Variants in PDE4B observed in about 807,000 individuals in gnomAD.
The protein encoded by PDE4B is phosphodiesterase 4B.
In PDE4B, 20 loss-of-function variants were observed where a neutral mutation model predicts 82.2. The observed-to-expected ratio is 0.24, with a 90% CI of 0.17 to 0.35. The LOEUF is 0.35. Ranked by LOEUF, PDE4B falls within the 10% of genes least tolerant of loss-of-function variation. The pLI, the probability that PDE4B is intolerant of heterozygous loss-of-function variation, is 1.00. For synonymous variants in PDE4B, 320 were observed against 318.9 expected (o/e 1.00, Z -0.04); for missense variants, 655 against 907.2 (o/e 0.72, Z 3.57).
intron 3 of PDE4B, among the ~76,000 whole-genome samples, chr1:66,122,998 G>T (rs1645744782): frequency 6.6e-6 from 1 of 151,984 alleles, no homozygotes; most frequent in Non-Finnish European, 1.5e-5. Flanking sequence ...GAGCCACCAT[G>T]CCTGGCCAGG....
At chr1:65,893,786 T>C (rs1646878786) in intron 1 of PDE4B, among the ~76,000 whole-genome samples, 1 of 152,064 alleles carries the variant, frequency 6.6e-6, no homozygotes, top group Admixed American at 6.6e-5. Flanking sequence ...GTGGTATATA[T>C]ATGTATACCA....
At chr1:66,074,804 T>C (rs1251413513) in intron 3 of PDE4B, among the ~76,000 whole-genome samples, 2 of 152,176 alleles carry the variant, frequency 1.3e-5, no homozygotes, top group African/African-American at 4.8e-5. Flanking sequence ...GTGTAGTATA[T>C]GTCAGTACTT....
Position 66,040,127 on chromosome 1 carries a change from A to T in PDE4B, c.281+121292A>T, listed in dbSNP as rs1654288026. Among the ~76,000 whole-genome samples, 5 of 151,994 alleles carry T rather than the reference A, an allele frequency of 3.3e-5. No homozygotes were observed. In the South Asian group the frequency reaches 1.0e-3, roughly 31 times the overall value. ...CTGAACACTGGTTACTCAGGATTCTATGTTTATCTTTTAACTTTTTCAATG... is the reference window on the plus strand; with the variant it reads ...CTGAACACTGGTTACTCAGGATTCTTTGTTTATCTTTTAACTTTTTCAATG... On this transcript the variant is annotated intron_variant, in intron 3 of 16. Transcript: ENST00000341517.
chr1:66,228,420 C>G (rs575910270), intron 3 of PDE4B, among the ~76,000 whole-genome samples: 8 of 152,156 alleles, frequency 5.3e-5, no homozygotes, highest in Non-Finnish European at 1.2e-4. Flanking sequence ...GTCAGGAGAT[C>G]AAGACCATCC....
At chr1:66,118,389 C>A (rs1429272169) in intron 3 of PDE4B, among the ~76,000 whole-genome samples, 1 of 152,056 alleles carries the variant, frequency 6.6e-6, no homozygotes, top group Non-Finnish European at 1.5e-5. Context: ...TACTATGCAG[C>A]CATAAAAAAG....
At chr1:65,838,493 A>G (rs975277386) in intron 1 of PDE4B, among the ~76,000 whole-genome samples, 22 of 148,290 alleles carry the variant, frequency 1.5e-4, no homozygotes, top group Admixed American at 4.8e-4. Context: ...ACGTATATGT[A>G]TATATATACG....
intron 3 of PDE4B, among the ~76,000 whole-genome samples, chr1:66,194,621 C>T (rs1385579310): frequency 6.6e-6 from 1 of 152,086 alleles, no homozygotes; most frequent in Non-Finnish European, 1.5e-5. Context: ...TGGTATCAAA[C>T]AACTCCAATT....
At chr1:65,894,600 G>A (rs1646888773) in intron 1 of PDE4B, among the ~76,000 whole-genome samples, 1 of 152,096 alleles carries the variant, frequency 6.6e-6, no homozygotes, top group Admixed American at 6.6e-5. Context: ...AGCCTTGAAG[G>A]AAATGTTTAC....
At chr1:65,972,723 G>A (rs139555706) in intron 3 of PDE4B, among the ~76,000 whole-genome samples, 272 of 152,200 alleles carry the variant, frequency 1.8e-3, no homozygotes, top group Middle Eastern at 0.014. Flanking sequence ...TAGTGTTTCT[G>A]CATAACTATT....
At chr1:66,324,424 A>G (rs1377056301) in intron 7 of PDE4B, among the ~76,000 whole-genome samples, 1 of 152,134 alleles carries the variant, frequency 6.6e-6, no homozygotes, top group East Asian at 1.9e-4. Context: ...CAATTTTCTC[A>G]CATTCATAAT....
chr1:66,356,329 C>A (rs1013082278), intron 9 of PDE4B, among the ~76,000 whole-genome samples: 1 of 152,124 alleles, frequency 6.6e-6, no homozygotes, highest in African/African-American at 2.4e-5. Flanking sequence ...TATTGTCATG[C>A]GTGTTATTTG....
At chr1:65,934,339 G>A (rs545081598) in intron 3 of PDE4B, among the ~76,000 whole-genome samples, 1 of 152,202 alleles carries the variant, frequency 6.6e-6, no homozygotes, top group Admixed American at 6.5e-5. Context: ...TGTAGCCCTA[G>A]CTGCTCAGGA....
At chr1:66,170,079 G>A (rs566679258) in intron 3 of PDE4B, among the ~76,000 whole-genome samples, 6 of 152,262 alleles carry the variant, frequency 3.9e-5, no homozygotes, top group Admixed American at 3.9e-4. Context: ...CAAGAACACA[G>A]GGAAGATAAT....
At chr1:66,274,140 CT>C (rs1557672592) in intron 7 of PDE4B, among the ~76,000 whole-genome samples, 3 of 151,476 alleles carry the variant, frequency 2.0e-5, no homozygotes, top group African/African-American at 7.3e-5. Context: ...CTGAGACTCA[CT>C]TTTCTTGTCT....
At chr1:65,993,992 T>C (rs990890044) in intron 3 of PDE4B, among the ~76,000 whole-genome samples, 1 of 152,124 alleles carries the variant, frequency 6.6e-6, no homozygotes, top group African/African-American at 2.4e-5. Flanking sequence ...TCAGATTTTT[T>C]TGGAGGCTAT....
chr1:65,918,702 T>C lies in PDE4B; in HGVS notation c.148T>C (p.Leu50=), dbSNP rs757516988. 1 of 1,613,514 alleles carries C rather than the reference T, an allele frequency of 6.2e-7. No individual in the cohort carries two copies. The highest frequency in any genetic ancestry group is 8.5e-7 in the Non-Finnish European group (1 of 1,179,408). ...AGGGAGAAGGTGTTGCTCAGGAAACTTACAGTTACCACCACTGTCTCAAAG... is the reference window on the plus strand; with the variant it reads ...AGGGAGAAGGTGTTGCTCAGGAAACCTACAGTTACCACCACTGTCTCAAAG... The part of the protein sequence containing the change: ...WRGRRCCSGN[L]QLPPLSQRQS... Residue 50 remains leucine, a synonymous_variant, in exon 3 of 17, where the codon TTA becomes CTA. Transcript: ENST00000341517.
chr1:65,987,761 C>T (rs1026586684), intron 3 of PDE4B, among the ~76,000 whole-genome samples: 7 of 152,026 alleles, frequency 4.6e-5, no homozygotes, highest in African/African-American at 1.2e-4. Context: ...TACAGGCATG[C>T]GCTGCCACGC....
At position 66,330,688 on chromosome 1, in the gene PDE4B, C is replaced by T. The variant is rs554566501; in HGVS notation, c.635-1820C>T. 3 of 751,886 alleles carry T rather than the reference C, an allele frequency of 4.0e-6. No homozygotes were observed. In the South Asian group the frequency reaches 1.8e-4, roughly 45 times the overall value. The allele number at this position is 751,886 out of a possible 1,614,324, so 46.6% of individuals were successfully genotyped here. ...GGCAGGGAATGAGAATGGGAGGGTT[C>T]TGTCTCTTCAGAAAAGGCTTCCTTG... On this transcript the variant is annotated intron_variant, in intron 7 of 16. Coordinates refer to ENST00000341517, the MANE Select transcript of PDE4B (RefSeq NM_002600.4).
intron 3 of PDE4B, among the ~76,000 whole-genome samples, chr1:66,053,507 G>A (rs1444447938): frequency 2.6e-5 from 4 of 152,310 alleles, no homozygotes; most frequent in African/African-American, 9.6e-5. Flanking sequence ...TTACAGTTGA[G>A]TACAATGAAA....
Sources: gnomAD v4.1 joint callset for allele counts (sites outside exome capture counted in the v4.1 genomes callset) on GRCh38, gnomAD v4.1.1 for gene constraint, MANE v1.5 for transcripts, NCBI Gene and HGNC (gene_info 2026-07-23, HGNC 2026-07-21) for gene names.